CHRM3: variants seen among roughly 807,000 people sequenced by gnomAD.
CHRM3 encodes the protein muscarinic acetylcholine receptor M3.
CHRM3 carries 11 observed loss-of-function variants against 41.8 expected under a neutral mutation model. That is an observed-to-expected ratio of 0.26 (90% CI 0.17 to 0.44). The LOEUF is 0.44. Among genes scored for constraint, CHRM3 ranks in the 20% least tolerant of loss-of-function variants. The probability of loss-of-function intolerance (pLI) is 1.00; values close to 1 mark genes in which losing one functional copy is unlikely to be tolerated. For synonymous variants in CHRM3, 297 were observed against 301.4 expected (o/e 0.99, Z 0.15); for missense variants, 571 against 745.4 (o/e 0.77, Z 2.72).
At chr1:239,752,276 G>A (rs1436293261) in intron 5 of CHRM3, among the ~76,000 whole-genome samples, 1 of 152,164 alleles carries the variant, frequency 6.6e-6, no homozygotes, top group African/African-American at 2.4e-5. Context: ...ATAATTGCAA[G>A]GGATGCTGGG....
intron 5 of CHRM3, among the ~76,000 whole-genome samples, chr1:239,792,608 C>G (rs182732253): frequency 8.5e-5 from 13 of 152,272 alleles, no homozygotes; most frequent in Admixed American, 3.9e-4. Flanking sequence ...GGATGACTTC[C>G]AAATTCTTTG....
At chr1:239,482,142 C>T (rs1338328160) in intron 1 of CHRM3, among the ~76,000 whole-genome samples, 5 of 152,080 alleles carry the variant, frequency 3.3e-5, no homozygotes, top group African/African-American at 9.7e-5. Context: ...TTTCCTTTCT[C>T]TCCTCTGCTG....
intron 5 of CHRM3, among the ~76,000 whole-genome samples, chr1:239,826,510 G>C (rs1251517067): frequency 6.6e-6 from 1 of 152,202 alleles, no homozygotes; most frequent in Non-Finnish European, 1.5e-5. Context: ...ACCAAGGTCA[G>C]TGTAGCCTAG....
intron 2 of CHRM3, among the ~76,000 whole-genome samples, chr1:239,515,753 G>A (rs1399887285): frequency 2.0e-5 from 3 of 151,882 alleles, no homozygotes; most frequent in African/African-American, 7.3e-5. Flanking sequence ...GCCATCATTT[G>A]GCCAAAATGA....
At chr1:239,765,619 A>G (rs935701251) in intron 5 of CHRM3, among the ~76,000 whole-genome samples, 4 of 151,990 alleles carry the variant, frequency 2.6e-5, no homozygotes, top group African/African-American at 9.7e-5. Context: ...TTCCTTACAC[A>G]CAAAAAATGG....
intron 3 of CHRM3, chr1:239,606,026 G>A (rs966387817): frequency 9.2e-5 from 14 of 152,224 alleles, no homozygotes; most frequent in Middle Eastern, 3.4e-3. Context: ...CTTGACCAGA[G>A]GATTCATGAG....
At chr1:239,715,208 G>A (rs1397567852) in intron 5 of CHRM3, among the ~76,000 whole-genome samples, 5 of 128,836 alleles carry the variant, frequency 3.9e-5, no homozygotes, top group Non-Finnish European at 5.3e-5. Flanking sequence ...AGAATTAAAG[G>A]CATATTTAAA....
At chr1:239,583,262 G>C (rs1348266181) in intron 3 of CHRM3, among the ~76,000 whole-genome samples, 2 of 152,166 alleles carry the variant, frequency 1.3e-5, no homozygotes, top group Non-Finnish European at 2.9e-5. Flanking sequence ...ATATGTACTT[G>C]TAGACAACTT....
At chr1:239,634,224 CAGTAACCCT>C (rs1430895940) in intron 4 of CHRM3, among the ~76,000 whole-genome samples, 1 of 152,116 alleles carries the variant, frequency 6.6e-6, no homozygotes, top group Non-Finnish European at 1.5e-5. Context: ...ATTGTCAGCT[CAGTAACCCT>C]TTGAATACAA....
At chr1:239,475,958 A>G (rs1572427245) in intron 1 of CHRM3, among the ~76,000 whole-genome samples, 3 of 152,156 alleles carry the variant, frequency 2.0e-5, no homozygotes, top group Admixed American at 6.5e-5. Flanking sequence ...GTCTCCCCCA[A>G]TCATGAATAG....
intron 6 of CHRM3, among the ~76,000 whole-genome samples, chr1:239,855,806 A>C (rs917953461): frequency 6.6e-6 from 1 of 152,184 alleles, no homozygotes; most frequent in Non-Finnish European, 1.5e-5. Flanking sequence ...ACATTGTGAT[A>C]ATCTTATAAT....
rs530945329 is a variant in CHRM3, at chr1:239,684,523, A to T, written c.-147+6235A>T. On this transcript the variant is annotated intron_variant, in intron 5 of 6. Coordinates refer to ENST00000676153, the MANE Select transcript of CHRM3 (RefSeq NM_001375978.1). ...AGGCTGGGCAACATGGTGAAACCCC[A>T]TCTCTACTAAAAAATGCAAAAAAAT... is the stretch of plus-strand genomic sequence containing the variant. Among the ~76,000 whole-genome samples, 145 of 151,728 alleles carry T rather than the reference A, an allele frequency of 9.6e-4. 1 individual carries two copies. In the South Asian group the frequency reaches 0.018, roughly 19 times the overall value.
chr1:239,508,032 T>C (rs973188618), intron 2 of CHRM3, among the ~76,000 whole-genome samples: 2 of 152,176 alleles, frequency 1.3e-5, no homozygotes, highest in African/African-American at 4.8e-5. Flanking sequence ...TAATTCTGAC[T>C]GGGAAGACGG....
intron 6 of CHRM3, among the ~76,000 whole-genome samples, chr1:239,852,885 A>G (rs1674810238): frequency 6.6e-6 from 1 of 152,108 alleles, no homozygotes; most frequent in African/African-American, 2.4e-5. Context: ...TTATGTATTG[A>G]CAGGTGTTAC....
At chr1:239,756,346 A>G (rs1166501977) in intron 5 of CHRM3, among the ~76,000 whole-genome samples, 4 of 152,226 alleles carry the variant, frequency 2.6e-5, no homozygotes, top group African/African-American at 4.8e-5. Flanking sequence ...CTGAAACTCA[A>G]TGCTACCAAA....
intron 3 of CHRM3, 27 bp from the exon 4 acceptor site, chr1:239,632,197 T>C (rs187651581): frequency 6.6e-6 from 1 of 152,194 alleles, no homozygotes; most frequent in Non-Finnish European, 1.5e-5. Context: ...ATCCCATATT[T>C]TTGTTTGTTT....
At position 239,761,887 on chromosome 1, in the gene CHRM3, C is replaced by T. The variant is rs568409928; in HGVS notation, c.-146-65365C>T. Among the ~76,000 whole-genome samples the T allele has an allele frequency of 1.5e-3, 224 of 152,300 alleles. 6 individuals are homozygous for T. The South Asian group carries it at 0.045, about 31-fold the overall frequency. Reference sequence around the variant, plus strand: ...AGTCTGCCCTGCTGACTCTAGCCCCCTTAGCCTCCTGGAATTCCCAATTCA... The same window carrying T: ...AGTCTGCCCTGCTGACTCTAGCCCCTTTAGCCTCCTGGAATTCCCAATTCA... On this transcript the variant is annotated intron_variant, in intron 5 of 6. Coordinates refer to ENST00000676153, the MANE Select transcript of CHRM3 (RefSeq NM_001375978.1).
At chr1:239,874,305 A>ATCTATATACACAGTG (rs796978990) in intron 6 of CHRM3, among the ~76,000 whole-genome samples, 22 of 119,320 alleles carry the variant, frequency 1.8e-4, no homozygotes, top group South Asian at 5.3e-4. Context: ...ATATATATAT[A>ATCTATATACACAGTG]TATATATATA....
At chr1:239,649,124 T>C (rs141936804) in intron 4 of CHRM3, among the ~76,000 whole-genome samples, 1 of 152,272 alleles carries the variant, frequency 6.6e-6, no homozygotes, top group East Asian at 1.9e-4. Flanking sequence ...ATGTTTCTGT[T>C]CCCCTAAATT....
Sources: allele counts gnomAD v4.1 joint callset (sites outside exome capture counted in the v4.1 genomes callset), GRCh38; gene constraint gnomAD v4.1.1; transcripts MANE v1.5; gene names NCBI Gene and HGNC (gene_info 2026-07-23, HGNC 2026-07-21).